The following SLC39A11 variants were observed in gnomAD, a reference collection of about 807,000 sequenced individuals.
The protein encoded by SLC39A11 is solute carrier family 39 member 11.
In SLC39A11, 33 loss-of-function variants were observed where a neutral mutation model predicts 36.1. That is an observed-to-expected ratio of 0.91 (90% CI 0.69 to 1.22). The LOEUF (loss-of-function observed/expected upper bound fraction) is 1.22. Ranked by LOEUF, SLC39A11 falls within the 50% of genes most tolerant of loss-of-function variation. The pLI, the probability that SLC39A11 is intolerant of heterozygous loss-of-function variation, is 0.00. For missense variants in SLC39A11, 432 were observed against 430.3 expected, an observed-to-expected ratio of 1.00 and a Z score of -0.03; for synonymous variants, 166 against 170.3, an observed-to-expected ratio of 0.97 and a Z score of 0.20.
intron 6 of SLC39A11, among the ~76,000 whole-genome samples, chr17:72,767,791 G>A (rs950090547): frequency 6.6e-6 from 1 of 152,202 alleles, no homozygotes; most frequent in African/African-American, 2.4e-5. Context: ...GGATCCTGGT[G>A]ACCATGCTGT....
intron 6 of SLC39A11, among the ~76,000 whole-genome samples, chr17:72,820,289 T>C (rs2077723321): frequency 6.6e-6 from 1 of 151,302 alleles, no homozygotes; most frequent in South Asian, 2.1e-4. Flanking sequence ...AACTGAATTT[T>C]GTTGTGCCCC....
chr17:72,979,084 C>G (rs769374107), intron 4 of SLC39A11, among the ~76,000 whole-genome samples: 1 of 152,160 alleles, frequency 6.6e-6, no homozygotes, highest in Admixed American at 6.5e-5. Flanking sequence ...GCGGAGGCAA[C>G]TGAATCATGG....
intron 5 of SLC39A11, among the ~76,000 whole-genome samples, chr17:72,879,667 T>C (rs1289549332): frequency 1.3e-5 from 2 of 152,208 alleles, no homozygotes; most frequent in Non-Finnish European, 2.9e-5. Flanking sequence ...TAGTTAGGCA[T>C]GACCAGGGTG....
chr17:73,012,425 G>T (rs2090574156), intron 4 of SLC39A11, among the ~76,000 whole-genome samples: 1 of 152,068 alleles, frequency 6.6e-6, no homozygotes, highest in African/African-American at 2.4e-5. Context: ...CTACTACGCA[G>T]CCACAAAAAT....
rs1020440552 is a variant in SLC39A11, at chr17:73,055,557, G to A, written c.148-23843C>T. ...AGCAATCCTCTCACCTCACCCTCCC[G>A]ATTAGCTAGGACGACAGGCACATTG... On this transcript the variant is annotated intron_variant, in intron 3 of 9. Transcript: ENST00000255559. Among the ~76,000 whole-genome samples, 8 of 150,204 alleles carry A rather than the reference G, an allele frequency of 5.3e-5. 1 individual carries two copies. The South Asian group carries it at 1.3e-3, about 24-fold the overall frequency.
At chr17:72,857,000 G>C (rs555659642) in intron 5 of SLC39A11, among the ~76,000 whole-genome samples, 122 of 152,256 alleles carry the variant, frequency 8.0e-4, no homozygotes, top group African/African-American at 2.9e-3. Context: ...TTTCACTTTA[G>C]GTTCAGGGCT....
chr17:72,775,674 C>A (rs2076107901), intron 6 of SLC39A11, among the ~76,000 whole-genome samples: 1 of 152,186 alleles, frequency 6.6e-6, no homozygotes, highest in Non-Finnish European at 1.5e-5. Context: ...TCTCAAGCTT[C>A]AAGACACAAG....
intron 4 of SLC39A11, among the ~76,000 whole-genome samples, chr17:72,989,143 T>A (rs12940527): frequency 3.3e-5 from 5 of 152,320 alleles, no homozygotes; most frequent in Admixed American, 3.3e-4. Flanking sequence ...AAAATGGTTA[T>A]GCTGGTCAGT....
intron 7 of SLC39A11, among the ~76,000 whole-genome samples, chr17:72,720,138 C>T (rs1169646708): frequency 6.6e-6 from 1 of 152,122 alleles, no homozygotes; most frequent in Non-Finnish European, 1.5e-5. Flanking sequence ...CCAGGCTCTG[C>T]TCCCAGGGAG....
chr17:72,651,827 G>C (rs1598220662), intron 7 of SLC39A11, among the ~76,000 whole-genome samples: 1 of 152,004 alleles, frequency 6.6e-6, no homozygotes, highest in Non-Finnish European at 1.5e-5. Flanking sequence ...AAGTGGAGTG[G>C]ACAGACAAGA....
chr17:72,734,267 G>A (rs546187082), intron 7 of SLC39A11, among the ~76,000 whole-genome samples: 15 of 152,262 alleles, frequency 9.9e-5, no homozygotes, highest in Admixed American at 5.2e-4. Context: ...AACTCTACAC[G>A]TTTTTCAAAG....
chr17:72,671,582 A>G (rs2071021687), intron 7 of SLC39A11, among the ~76,000 whole-genome samples: 1 of 152,114 alleles, frequency 6.6e-6, no homozygotes, highest in African/African-American at 2.4e-5. Flanking sequence ...TTAGCTAGGC[A>G]TGGTGGTGGA....
At chr17:73,027,628 G>A (rs1235632711) in intron 4 of SLC39A11, among the ~76,000 whole-genome samples, 1 of 152,204 alleles carries the variant, frequency 6.6e-6, no homozygotes, top group Admixed American at 6.5e-5. Context: ...CCAACAGAGG[G>A]ACAGATAAAT....
intron 4 of SLC39A11, among the ~76,000 whole-genome samples, chr17:72,996,265 T>C (rs1000862087): frequency 2.6e-5 from 4 of 152,208 alleles, no homozygotes; most frequent in African/African-American, 9.7e-5. Context: ...CCGTGGCCGC[T>C]TGAACGTTTG....
intron 4 of SLC39A11, among the ~76,000 whole-genome samples, chr17:73,017,103 A>G (rs1480881477): frequency 1.3e-5 from 2 of 152,194 alleles, no homozygotes; most frequent in Non-Finnish European, 2.9e-5. Flanking sequence ...TAGAAGGCAA[A>G]GTGGATTGGA....
intron 6 of SLC39A11, among the ~76,000 whole-genome samples, chr17:72,794,646 A>G (rs767792926): frequency 6.6e-6 from 1 of 151,958 alleles, no homozygotes; most frequent in Non-Finnish European, 1.5e-5. Context: ...TTACTTGTGC[A>G]GGGCTTTGTG....
At chr17:72,977,101 A>G (rs2087909697) in intron 4 of SLC39A11, among the ~76,000 whole-genome samples, 1 of 152,160 alleles carries the variant, frequency 6.6e-6, no homozygotes, top group African/African-American at 2.4e-5. Context: ...GAGCCCTGAA[A>G]AGCAGAAAGC....
intron 6 of SLC39A11, among the ~76,000 whole-genome samples, chr17:72,757,278 C>A (rs557633818): frequency 2.6e-5 from 4 of 152,220 alleles, no homozygotes; most frequent in East Asian, 3.9e-4. Context: ...ACAGGTAAGA[C>A]CCGATTCAAG....
chr17:72,986,205 T>C (rs2088737381), intron 4 of SLC39A11, among the ~76,000 whole-genome samples: 1 of 152,112 alleles, frequency 6.6e-6, no homozygotes, highest in Non-Finnish European at 1.5e-5. Context: ...ACCAGTTCAC[T>C]CCCCAGTAAG....
Sources: gnomAD v4.1 joint callset for allele counts (sites outside exome capture counted in the v4.1 genomes callset) on GRCh38, gnomAD v4.1.1 for gene constraint, MANE v1.5 for transcripts, NCBI Gene and HGNC (gene_info 2026-07-23, HGNC 2026-07-21) for gene names.